HLTF: variants seen among roughly 807,000 people sequenced by gnomAD.
HLTF encodes helicase like transcription factor.
A neutral mutation model predicts 129.4 loss-of-function variants in HLTF; 127 were observed. That is an observed-to-expected ratio of 0.98 (90% CI 0.85 to 1.14). The LOEUF (loss-of-function observed/expected upper bound fraction) is 1.14. Ranked by LOEUF, HLTF falls within the 50% of genes most tolerant of loss-of-function variation. The pLI, the probability that HLTF is intolerant of heterozygous loss-of-function variation, is 0.00. For synonymous variants in HLTF, 332 were observed against 388.8 expected, an observed-to-expected ratio of 0.85 and a Z score of 1.72; for missense variants, 1,139 against 1,187.1, an observed-to-expected ratio of 0.96 and a Z score of 0.60.
intron 2 of HLTF, among the ~76,000 whole-genome samples, chr3:149,082,403 G>A (rs888170585): frequency 6.6e-6 from 1 of 152,194 alleles, no homozygotes; most frequent in African/African-American, 2.4e-5. Context: ...AGCTTGCAAT[G>A]AGCCGAGATC....
intron 23 of HLTF, among the ~76,000 whole-genome samples, chr3:149,036,529 C>A (rs569964837): frequency 6.6e-6 from 1 of 151,944 alleles, no homozygotes; most frequent in African/African-American, 2.4e-5. Flanking sequence ...CCTCATGATC[C>A]GCCCACCTCG....
chr3:149,079,373 T>TAAAAAAAAAAAAAAAAAAA (rs71135659), intron 2 of HLTF, among the ~76,000 whole-genome samples: 2 of 57,230 alleles, frequency 3.5e-5, no homozygotes, highest in African/African-American at 1.3e-4. Flanking sequence ...CGACAGTTTC[T>TAAAAAAAAAAAAAAAAAAA]AAAAAAAAAA....
chr3:149,034,762 A>ATTATTGATG (rs1300937866), intron 24 of HLTF, among the ~76,000 whole-genome samples, 156 bp downstream of exon 24: 2 of 152,212 alleles, frequency 1.3e-5, no homozygotes, highest in Non-Finnish European at 2.9e-5. Flanking sequence ...GGCCCCTTAA[A>ATTATTGATG]CAGCATATAT....
At position 149,071,282 on chromosome 3, in the gene HLTF, A is replaced by G; in HGVS notation, c.864T>C (p.His288=). ...CCATATCATCAGCTAAAATTCCTCCATGGACATTTTCTGGTCGGTCCTTCT... is the reference window on the plus strand; with the variant it reads ...CCATATCATCAGCTAAAATTCCTCCGTGGACATTTTCTGGTCGGTCCTTCT... ...FSEKDRPENV[H]GGILADDMGL... Residue 288 remains histidine, a synonymous_variant, in exon 7 of 25, where the codon CAT becomes CAC. Transcript: ENST00000310053. The G allele has an allele frequency of 1.3e-6, 2 of 1,596,780 alleles. No homozygotes were observed. The highest frequency in any genetic ancestry group is 1.3e-5 in the African/African-American group (1 of 74,282).
Position 149,039,095 on chromosome 3 carries a change from ACTCC to A in HLTF, c.2746_2749del (p.Gly916LeufsTer3). The stretch of plus-strand genomic sequence containing the variant: ...AGAAGCTGCAGACAGATTCAAACCA[ACTCC>A]ACCTGCTTTTAAGGACAGAAGCATT... On this transcript the variant is annotated frameshift_variant, in exon 23 of 25. Transcript: ENST00000310053. LOFTEE classifies it high-confidence loss of function. The A allele has an allele frequency of 6.2e-7, 1 of 1,609,442 alleles. No homozygotes were observed. The highest frequency in any genetic ancestry group is 1.1e-5 in the South Asian group (1 of 90,166).
chr3:149,086,082 C>T (rs34957864), intron 1 of HLTF, among the ~76,000 whole-genome samples: 6,209 of 152,178 alleles, frequency 0.041, 125 homozygotes, highest in African/African-American at 0.056. Flanking sequence ...CCAGGCCCCC[C>T]ACAGTCGGTG....
At chr3:149,036,297 G>GTTTTTTTTTTTTTTTTTTTTTTTT (rs71135656) in intron 23 of HLTF, among the ~76,000 whole-genome samples, 1 of 107,986 alleles carries the variant, frequency 9.3e-6, no homozygotes. Context: ...AAACTATGAG[G>GTTTTTTTTTTTTTTTTTTTTTTTT]TTTTTTTTTT....
Position 149,063,434 on chromosome 3 carries a change from T to C in HLTF, c.1157A>G (p.Lys386Arg), listed in dbSNP as rs1350404635. 1.3e-6 allele frequency: 2 copies of C among 1,567,226 alleles called. No homozygotes were observed. The highest frequency in any genetic ancestry group is 8.8e-7 in the Non-Finnish European group (1 of 1,137,582). The change falls in exon 10 of 25, where the codon AAA (lysine) becomes AGA (arginine). Residue 386 changes from lysine to arginine, a missense_variant. Lys to Arg is a conservative substitution (Grantham distance 26). Transcript: ENST00000310053. ...TAATCAAACCATAATAGTTTACCTT[T>C]TGGGGCGGGAGCTAGACAATTCTGA... ...RMSELSSSRP[K>R]RRKTAVQYIE...
intron 22 of HLTF, 103 bp from the exon 23 acceptor site, chr3:149,039,332 T>G (rs1051540430): frequency 2.2e-6 from 2 of 898,228 alleles, no homozygotes; most frequent in African/African-American, 1.7e-5. Flanking sequence ...TTCACTCATT[T>G]ATTTTAACAA....
chr3:149,043,941 A>G (rs1441165218), intron 18 of HLTF, among the ~76,000 whole-genome samples: 1 of 152,174 alleles, frequency 6.6e-6, no homozygotes, highest in African/African-American at 2.4e-5. Flanking sequence ...GCTATACATG[A>G]ATCTGTTGCT....
intron 7 of HLTF, among the ~76,000 whole-genome samples, chr3:149,070,016 T>C (rs1718712673): frequency 1.3e-5 from 2 of 152,204 alleles, no homozygotes; most frequent in Non-Finnish European, 2.9e-5. Flanking sequence ...AAATGAGCAA[T>C]GCCTGGTGTT....
At chr3:149,075,037 T>C (rs1354771695) in intron 3 of HLTF, among the ~76,000 whole-genome samples, 7 of 152,194 alleles carry the variant, frequency 4.6e-5, no homozygotes, top group Non-Finnish European at 8.8e-5. Context: ...ACTATTGTCA[T>C]ATGGAAGTGA....
chr3:149,076,779 A>G (rs1719394580), intron 2 of HLTF, among the ~76,000 whole-genome samples: 1 of 152,218 alleles, frequency 6.6e-6, no homozygotes, highest in Non-Finnish European at 1.5e-5. Flanking sequence ...GACTTTCAAA[A>G]ATTCCTCAAT....
intron 2 of HLTF, among the ~76,000 whole-genome samples, chr3:149,078,783 G>C (rs1350312755): frequency 2.0e-5 from 3 of 151,862 alleles, no homozygotes; most frequent in Non-Finnish European, 4.4e-5. Context: ...TGTGAACCTG[G>C]GAGGCAGAGC....
intron 3 of HLTF, among the ~76,000 whole-genome samples, chr3:149,075,587 T>G (rs531155833): frequency 2.6e-5 from 4 of 152,228 alleles, no homozygotes; most frequent in African/African-American, 7.2e-5. Context: ...ACTTCCAAAT[T>G]CCTAAACCTA....
intron 3 of HLTF, among the ~76,000 whole-genome samples, chr3:149,075,601 A>T (rs972435252): frequency 6.6e-6 from 1 of 152,238 alleles, no homozygotes; most frequent in Admixed American, 6.5e-5. Context: ...AAACCTAGGT[A>T]CCAAAAGGTT....
intron 17 of HLTF, among the ~76,000 whole-genome samples, chr3:149,046,577 T>G (rs1559860702): frequency 6.6e-6 from 1 of 152,200 alleles, no homozygotes; most frequent in Non-Finnish European, 1.5e-5. Flanking sequence ...TCAACTGTCC[T>G]GTCAACTCCA....
intron 10 of HLTF, among the ~76,000 whole-genome samples, chr3:149,061,848 A>C (rs1717982951): frequency 6.6e-6 from 1 of 151,778 alleles, no homozygotes; most frequent in Non-Finnish European, 1.5e-5. Context: ...AAAAAAAAAA[A>C]AAAGAAAAGA....
intron 9 of HLTF, among the ~76,000 whole-genome samples, chr3:149,063,924 C>T (rs541208214): frequency 2.6e-5 from 4 of 152,104 alleles, no homozygotes; most frequent in Non-Finnish European, 4.4e-5. Flanking sequence ...TGTTCGGCTC[C>T]CCTACCCATT....
Sources: allele counts gnomAD v4.1 joint callset (sites outside exome capture counted in the v4.1 genomes callset), GRCh38; gene constraint gnomAD v4.1.1; transcripts MANE v1.5; gene names NCBI Gene and HGNC (gene_info 2026-07-23, HGNC 2026-07-21).